Variants in NUP93 observed in about 807,000 individuals in gnomAD.
NUP93 encodes nucleoporin 93.
NUP93 carries 55 observed loss-of-function variants against 107.8 expected under a neutral mutation model. That is an observed-to-expected ratio of 0.51 (90% CI 0.41 to 0.64). The LOEUF (loss-of-function observed/expected upper bound fraction) is 0.64, where lower values mean the gene tolerates loss of function less well. NUP93 is among the 30% of genes least tolerant of loss of function. NUP93 has a pLI of 0.00. For missense variants in NUP93, 937 were observed against 1,044.7 expected, an observed-to-expected ratio of 0.90 and a Z score of 1.42; for synonymous variants, 390 against 397.5, an observed-to-expected ratio of 0.98 and a Z score of 0.22.
intron 2 of NUP93, among the ~76,000 whole-genome samples, chr16:56,755,033 G>T (rs1388088712): frequency 6.6e-6 from 1 of 152,200 alleles, no homozygotes; most frequent in Non-Finnish European, 1.5e-5. Context: ...ATACCTTGCT[G>T]GTGGGAATGT....
In NUP93 at chr16:56,841,555, G is replaced by C. The variant is rs555314123; in HGVS notation, c.2221-150G>C. 8.1e-5 allele frequency: 71 copies of C among 880,066 alleles called. No homozygotes were observed. The Middle Eastern group carries it at 2.5e-3, about 31-fold the overall frequency. The allele number at this position is 880,066 out of a possible 1,614,324, so 54.5% of individuals were successfully genotyped here. A position where few individuals can be genotyped will look rare whatever the true frequency, so the allele number is the denominator to read the frequency against. Reference sequence around the variant, plus strand: ...CACACTTGATGTTTCAGTGCCATCAGCTCCTTTTGGGTGACTGTGTGGCTC... The same window carrying C: ...CACACTTGATGTTTCAGTGCCATCACCTCCTTTTGGGTGACTGTGTGGCTC... On this transcript the variant is annotated intron_variant, in intron 20 of 21. Transcript: ENST00000308159.
At chr16:56,826,272 G>A (rs778702670) in intron 8 of NUP93, among the ~76,000 whole-genome samples, 14 of 152,206 alleles carry the variant, frequency 9.2e-5, no homozygotes, top group Admixed American at 2.6e-4. Flanking sequence ...AACACTTCGG[G>A]TGGCCAAGGT....
intron 8 of NUP93, among the ~76,000 whole-genome samples, chr16:56,825,582 C>T (rs1274790538): frequency 6.6e-6 from 1 of 151,962 alleles, no homozygotes; most frequent in Non-Finnish European, 1.5e-5. Context: ...TTCTTGATCA[C>T]CCTAATCCTT....
intron 4 of NUP93, among the ~76,000 whole-genome samples, chr16:56,801,166 C>T (rs1963012323): frequency 6.6e-6 from 1 of 152,142 alleles, no homozygotes; most frequent in South Asian, 2.1e-4. Flanking sequence ...TCTCATTGCC[C>T]TCCTCTTCTC....
At chr16:56,842,708 A>C (rs1441488840) in intron 21 of NUP93, 3 of 410,058 alleles carry the variant, frequency 7.3e-6, no homozygotes, top group Non-Finnish European at 1.4e-5. Flanking sequence ...ACGCACCACC[A>C]CACCCAGCGG....
At chr16:56,789,831 G>A (rs1445753440) in intron 3 of NUP93, among the ~76,000 whole-genome samples, 2 of 152,198 alleles carry the variant, frequency 1.3e-5, no homozygotes, top group Non-Finnish European at 2.9e-5. Flanking sequence ...AGGTGCAGTG[G>A]CTCACGCCTG....
intron 16 of NUP93, among the ~76,000 whole-genome samples, chr16:56,835,549 C>T (rs1199899619): frequency 1.3e-5 from 2 of 152,220 alleles, no homozygotes; most frequent in East Asian, 3.8e-4. Flanking sequence ...TAACAGGCTG[C>T]ACTGGGGCCA....
chr16:56,742,382 C>T (rs1395383665), intron 1 of NUP93, among the ~76,000 whole-genome samples: 3 of 152,180 alleles, frequency 2.0e-5, no homozygotes, highest in South Asian at 2.1e-4. Context: ...AGGGTTTTTA[C>T]GTCTTTGGAT....
intron 21 of NUP93, among the ~76,000 whole-genome samples, chr16:56,843,623 C>G (rs1216515402): frequency 6.6e-6 from 1 of 152,158 alleles, no homozygotes; most frequent in Non-Finnish European, 1.5e-5. Flanking sequence ...AACGAGAGCC[C>G]TTTTATTCAC....
intron 1 of NUP93, among the ~76,000 whole-genome samples, chr16:56,736,784 A>G (rs1961621646): frequency 6.6e-6 from 1 of 152,206 alleles, no homozygotes; most frequent in Admixed American, 6.5e-5. Flanking sequence ...TGAGTCTTCA[A>G]GGGCAGTGGT....
intron 5 of NUP93, among the ~76,000 whole-genome samples, chr16:56,805,949 A>G (rs1322471013): frequency 6.6e-6 from 1 of 151,382 alleles, no homozygotes; most frequent in Non-Finnish European, 1.5e-5. Flanking sequence ...TGGGGCTTTA[A>G]ATACCTATCA....
intron 3 of NUP93, among the ~76,000 whole-genome samples, chr16:56,793,481 C>T (rs1596806789): frequency 6.6e-6 from 1 of 152,122 alleles, no homozygotes; most frequent in African/African-American, 2.4e-5. Flanking sequence ...TGGCAGGGAG[C>T]CAGTTCATCC....
intron 8 of NUP93, among the ~76,000 whole-genome samples, chr16:56,824,113 C>T (rs1963608081): frequency 6.6e-6 from 1 of 152,160 alleles, no homozygotes; most frequent in Non-Finnish European, 1.5e-5. Context: ...TCTTTCTCCA[C>T]ACTCTCTTAA....
At position 56,798,499 on chromosome 16, in the gene NUP93, C is replaced by T. The variant is rs372055823; in HGVS notation, c.321C>T (p.Asp107=). The T allele has an allele frequency of 4.3e-6, 7 of 1,614,060 alleles. No homozygotes were observed. The African/African-American group carries it at 8.0e-5, about 18-fold the overall frequency. Residue 107 remains aspartate (D), a synonymous_variant, in exon 4 of 22, where the codon GAC becomes GAT. Coordinates refer to ENST00000308159, the MANE Select transcript of NUP93 (RefSeq NM_014669.5). ...DIQGFLKNEK[D]NALLSAIEES... ...AGGGCTTCCTGAAGAATGAGAAGGA[C>T]AATGCCCTGCTGTCTGCCATCGAAG...
intron 4 of NUP93, among the ~76,000 whole-genome samples, chr16:56,799,122 A>C (rs766941191): frequency 6.6e-6 from 1 of 152,210 alleles, no homozygotes; most frequent in Non-Finnish European, 1.5e-5. Flanking sequence ...TAGTGGTTTC[A>C]TTGTTATTGT....
rs4784731 is a variant in NUP93, at chr16:56,842,691, T to C, written c.2349+858T>C. The stretch of plus-strand genomic sequence containing the variant: ...CCTCACCCTCCCAAGTAGCTGGGAC[T>C]ACAGGTACGCACCACCACACCCAGC... On this transcript the variant is annotated intron_variant, in intron 21 of 21. Transcript: ENST00000308159. 1.2e-3 allele frequency: 511 copies of C among 437,422 alleles called. 3 individuals carry two copies. The highest frequency in any genetic ancestry group is 1.9e-3 in the South Asian group (114 of 60,758). The allele number at this position is 437,422 out of a possible 1,614,324, so 27.1% of individuals were successfully genotyped here.
intron 3 of NUP93, among the ~76,000 whole-genome samples, chr16:56,792,755 A>T (rs545490462): frequency 6.6e-6 from 1 of 152,284 alleles, no homozygotes. Context: ...TATTGTTTGT[A>T]AAGAGTAGCC....
At chr16:56,750,695 T>C (rs1440642763) in intron 2 of NUP93, among the ~76,000 whole-genome samples, 1 of 152,214 alleles carries the variant, frequency 6.6e-6, no homozygotes, top group African/African-American at 2.4e-5. Flanking sequence ...TTATTTGTAT[T>C]GTCTGTGCTG....
intron 16 of NUP93, 125 bp downstream of exon 16, chr16:56,834,903 T>A (rs1963880116): frequency 1.4e-6 from 1 of 732,390 alleles, no homozygotes; most frequent in Admixed American, 2.9e-5. Context: ...GTTGCTTAAT[T>A]TAAAAAATGG....
Sources: allele counts gnomAD v4.1 joint callset (sites outside exome capture counted in the v4.1 genomes callset), GRCh38; gene constraint gnomAD v4.1.1; transcripts MANE v1.5; gene names NCBI Gene and HGNC (gene_info 2026-07-23, HGNC 2026-07-21).